Variants in CAST observed in about 807,000 individuals in gnomAD.
The protein encoded by CAST is MIR583 host.
In CAST, 76 loss-of-function variants were observed where a neutral mutation model predicts 119.6. That is an observed-to-expected ratio of 0.64 (90% confidence interval 0.53 to 0.77). CAST has a LOEUF of 0.77. Among genes scored for constraint, CAST ranks in the 30% least tolerant of loss-of-function variants. The probability of loss-of-function intolerance (pLI) is 0.00; values close to 1 mark genes in which losing one functional copy is unlikely to be tolerated. For missense variants in CAST, 953 were observed against 946.5 expected, an observed-to-expected ratio of 1.01 and a Z score of -0.09; for synonymous variants, 319 against 331.6, an observed-to-expected ratio of 0.96 and a Z score of 0.41.
chr5:96,760,159 C>A (rs887952616), intron 24 of CAST, among the ~76,000 whole-genome samples: 2 of 151,874 alleles, frequency 1.3e-5, no homozygotes, highest in African/African-American at 4.8e-5. Context: ...ATCTTAAAAT[C>A]TGACAAATAT....
the CAST span, among the ~76,000 whole-genome samples, chr5:96,148,734 A>G: frequency 3.9e-5 from 6 of 152,250 alleles, no homozygotes; most frequent in Non-Finnish European, 8.8e-5. Flanking sequence ...TAAAAACTGG[A>G]AACTATTAAA....
At chr5:96,123,967 CTCT>C in the CAST span, among the ~76,000 whole-genome samples, 1 of 152,000 alleles carries the variant, frequency 6.6e-6, no homozygotes, top group South Asian at 2.1e-4. Flanking sequence ...ATTCAGTTAC[CTCT>C]TGTTTCCATA....
chr5:96,224,782 G>A, the CAST span, among the ~76,000 whole-genome samples: 1 of 152,194 alleles, frequency 6.6e-6, no homozygotes, highest in Non-Finnish European at 1.5e-5. Context: ...CTCAGATGAT[G>A]CATGATGGCC....
chr5:96,324,702 A>T, the CAST span, among the ~76,000 whole-genome samples: 2 of 152,218 alleles, frequency 1.3e-5, no homozygotes, highest in Non-Finnish European at 2.9e-5. Context: ...ATTTTAAAAA[A>T]TGGTCAAGCT....
chr5:96,154,147 G>A, the CAST span, among the ~76,000 whole-genome samples: 3 of 152,046 alleles, frequency 2.0e-5, no homozygotes, highest in Non-Finnish European at 2.9e-5. Flanking sequence ...GTGTGGTGGC[G>A]GGTGCCTGTA....
the CAST span, among the ~76,000 whole-genome samples, chr5:96,110,447 A>G: frequency 5.9e-5 from 9 of 152,174 alleles, no homozygotes; most frequent in African/African-American, 2.2e-4. Context: ...TTACCTCTCA[A>G]ACAAATGGGC....
At chr5:96,340,098 G>A in the CAST span, among the ~76,000 whole-genome samples, 3 of 152,198 alleles carry the variant, frequency 2.0e-5, no homozygotes, top group African/African-American at 7.2e-5. Flanking sequence ...TAAGCAGTCA[G>A]TATTAAGAGA....
At chr5:96,297,779 C>A in the CAST span, among the ~76,000 whole-genome samples, 19 of 152,076 alleles carry the variant, frequency 1.2e-4, no homozygotes, top group African/African-American at 4.6e-4. Flanking sequence ...CTGGCTTCCA[C>A]GTTTTTAAAT....
intron 1 of CAST, among the ~76,000 whole-genome samples, chr5:96,620,316 A>G (rs554453025): frequency 2.0e-5 from 3 of 147,020 alleles, no homozygotes; most frequent in Admixed American, 1.4e-4. Context: ...TATTTAATGG[A>G]CTTACAATTT....
At chr5:96,667,875 C>T (rs1222992669) in intron 1 of CAST, among the ~76,000 whole-genome samples, 2 of 152,018 alleles carry the variant, frequency 1.3e-5, no homozygotes, top group Non-Finnish European at 2.9e-5. Flanking sequence ...ATTAGCTGGG[C>T]GTGGTGGCAG....
rs369069895 is a variant in CAST at position 96,755,827 on chromosome 5, C to T, written c.1710+1086C>T. On this transcript the variant is annotated intron_variant, in intron 22 of 31. Coordinates refer to ENST00000675179, the MANE Select transcript of CAST (RefSeq NM_001750.7). ...GCCATAGCGTTTCTATTAATTTGGG[C>T]TCATTTGTACATTGCTTTGCAAAGT... Among the ~76,000 whole-genome samples the T allele has an allele frequency of 1.8e-4, 27 of 152,274 alleles. 1 individual carries two copies. The highest frequency in any genetic ancestry group is 6.5e-4 in the African/African-American group (27 of 41,546).
intron 3 of CAST, among the ~76,000 whole-genome samples, chr5:96,707,541 C>G (rs1187819354): frequency 6.6e-6 from 1 of 152,010 alleles, no homozygotes; most frequent in Non-Finnish European, 1.5e-5. Context: ...CACGTGCCAC[C>G]ACTTCTGGCT....
At chr5:96,503,886 G>A in the CAST span, among the ~76,000 whole-genome samples, 1 of 151,938 alleles carries the variant, frequency 6.6e-6, no homozygotes, top group Non-Finnish European at 1.5e-5. Flanking sequence ...TGACATTAAC[G>A]AGCTTCAAGC....
intron 1 of CAST, among the ~76,000 whole-genome samples, chr5:96,578,739 G>A (rs1746718723): frequency 6.6e-6 from 1 of 151,858 alleles, no homozygotes; most frequent in South Asian, 2.1e-4. Flanking sequence ...TGTTGAAGTT[G>A]GGGATGTTTT....
the CAST span, among the ~76,000 whole-genome samples, chr5:96,487,134 A>G: frequency 6.6e-6 from 1 of 151,532 alleles, no homozygotes; most frequent in African/African-American, 2.4e-5. Context: ...AAAGAAAAAC[A>G]TCCTGTAATA....
chr5:96,637,462 T>C (rs1164050714), intron 1 of CAST, among the ~76,000 whole-genome samples: 2 of 152,184 alleles, frequency 1.3e-5, no homozygotes, highest in African/African-American at 2.4e-5. Flanking sequence ...AGTGGGTAAA[T>C]GAATTCAGCT....
chr5:96,256,838 C>T, the CAST span, among the ~76,000 whole-genome samples: 4 of 152,076 alleles, frequency 2.6e-5, no homozygotes, highest in Admixed American at 6.6e-5. Context: ...GTTGTATTCC[C>T]TCTGCAGAAA....
At chr5:96,587,025 T>G (rs181700745) in intron 1 of CAST, among the ~76,000 whole-genome samples, 33 of 152,308 alleles carry the variant, frequency 2.2e-4, no homozygotes, top group Admixed American at 3.3e-4. Context: ...TTTATTCAAG[T>G]TTAAAGCCTC....
Position 96,737,859 on chromosome 5 carries a change from A to G in CAST, c.710A>G (p.Asp237Gly), listed in dbSNP as rs755671948. 37 of 1,581,472 alleles carry G rather than the reference A, an allele frequency of 2.3e-5. No individual in the cohort carries two copies. Among genetic ancestry groups the G allele is most frequent in the Non-Finnish European group, 3.2e-5 (37 of 1,151,132 alleles). The change falls in exon 11 of 32, where the codon GAT (aspartate) becomes GGT (glycine). Residue 237 changes from aspartate to glycine, a missense_variant. Asp to Gly is a moderately conservative substitution (Grantham distance 94). Coordinates refer to ENST00000675179, the MANE Select transcript of CAST (RefSeq NM_001750.7). Reference protein sequence around the residue: ...PDKPSGKSGMDAALDDLIDTL... With the variant: ...PDKPSGKSGMGAALDDLIDTL... Reference sequence around the variant, plus strand: ...TTCTTTCTTTTCCAGTCAGGCATGGATGCTGCTTTGGATGACTTAATAGAT... The same window carrying G: ...TTCTTTCTTTTCCAGTCAGGCATGGGTGCTGCTTTGGATGACTTAATAGAT...
Sources: allele counts gnomAD v4.1 joint callset (sites outside exome capture counted in the v4.1 genomes callset), GRCh38; gene constraint gnomAD v4.1.1; transcripts MANE v1.5; gene names NCBI Gene and HGNC (gene_info 2026-07-23, HGNC 2026-07-21).